MICAL2: variants seen among roughly 807,000 people sequenced by gnomAD.
MICAL2 encodes the protein [F-actin]-monooxygenase MICAL2.
Under a neutral mutation model 127.3 loss-of-function variants are expected in MICAL2, and 77 were observed. The ratio of observed to expected loss-of-function variants is 0.60; its 90% CI spans 0.50 to 0.73. The LOEUF (loss-of-function observed/expected upper bound fraction) is 0.73, where lower values mean the gene tolerates loss of function less well. Ranked by LOEUF, MICAL2 falls within the 30% of genes least tolerant of loss-of-function variation. MICAL2 has a pLI of 0.00. For missense variants in MICAL2, 1,351 were observed against 1,434.4 expected (o/e 0.94, Z 0.94); for synonymous variants, 570 against 551.1 (o/e 1.03, Z -0.48).
chr11:12,261,677 C>G, intron 26 of MICAL2: 1 of 985,382 alleles, frequency 1.0e-6, no homozygotes, highest in Non-Finnish European at 1.2e-6. Context: ...ATGACAGTTT[C>G]TATGGGGCGG....
At chr11:12,357,413 A>C (rs968197574) in intron 34 of MICAL2, among the ~76,000 whole-genome samples, 4 of 152,210 alleles carry the variant, frequency 2.6e-5, no homozygotes, top group African/African-American at 9.6e-5. Context: ...ATTATCAAGA[A>C]GGTCAGGTAC....
chr11:12,280,288 T>G (rs1393033486), intron 1 of MICAL2, among the ~76,000 whole-genome samples: 2 of 152,182 alleles, frequency 1.3e-5, no homozygotes, highest in African/African-American at 4.8e-5. Flanking sequence ...TTAGGAGTCA[T>G]GCTCCGGGGC....
chr11:12,320,176 A>G (rs1015927053), intron 30 of MICAL2, among the ~76,000 whole-genome samples: 2 of 152,208 alleles, frequency 1.3e-5, no homozygotes, highest in African/African-American at 2.4e-5. Flanking sequence ...TTCATTTAAG[A>G]AGCACTAGAG....
At position 12,349,846 on chromosome 11, in the gene MICAL2, A is replaced by G. The variant is rs1939017805; in HGVS notation, c.5524A>G (p.Thr1842Ala). 3 of 1,614,008 alleles carry G rather than the reference A, an allele frequency of 1.9e-6. No individual in the cohort carries two copies. In the South Asian group the frequency reaches 3.3e-5, roughly 18 times the overall value. Residue 1842 changes from threonine to alanine, a missense_variant, in exon 33 of 35, where the codon ACA becomes GCA. Coordinates refer to the MICAL2 transcript ENST00000646065. Reference sequence around the variant, plus strand: ...GTTGATTTCTTAAGCAGATTCAGGCACACAGGATGAAGCACAGCTTTTGCA... The same window carrying G: ...GTTGATTTCTTAAGCAGATTCAGGCGCACAGGATGAAGCACAGCTTTTGCA...
At chr11:12,184,237 G>A (rs1290832411) in intron 3 of MICAL2, among the ~76,000 whole-genome samples, 1 of 152,232 alleles carries the variant, frequency 6.6e-6, no homozygotes, top group Non-Finnish European at 1.5e-5. Flanking sequence ...AGAGGAAGAT[G>A]ATTACCTTTG....
chr11:12,159,862 T>G (rs1854579826), intron 2 of MICAL2, among the ~76,000 whole-genome samples: 1 of 152,202 alleles, frequency 6.6e-6, no homozygotes, highest in African/African-American at 2.4e-5. Context: ...CATGCCCAAG[T>G]AAGCACAGTG....
At chr11:12,349,873 G>A in exon 33 of MICAL2, 1 of 1,614,134 alleles carries the variant, frequency 6.2e-7, no homozygotes, top group Non-Finnish European at 8.5e-7. Context: ...GCTTTTGCAG[G>A]AATGGTTTAA....
At chr11:12,139,211 C>G (rs1447423446) in intron 2 of MICAL2, among the ~76,000 whole-genome samples, 2 of 152,186 alleles carry the variant, frequency 1.3e-5, no homozygotes, top group African/African-American at 4.8e-5. Context: ...GGCACCCCTC[C>G]TCCCTCCTCC....
exon 1 of MICAL2, chr11:12,276,138 C>G: frequency 2.5e-6 from 1 of 399,220 alleles, no homozygotes; most frequent in Non-Finnish European, 4.4e-6. Context: ...GCTGGCTGTG[C>G]GTGTCCTGGT....
chr11:12,260,022 C>T, intron 26 of MICAL2, 125 bp downstream of exon 26: 1 of 1,548,332 alleles, frequency 6.5e-7, no homozygotes, highest in South Asian at 1.2e-5. Flanking sequence ...ATGCTTACAA[C>T]TACTGCTACA....
At chr11:12,232,585 G>C (rs952442895) in intron 15 of MICAL2, among the ~76,000 whole-genome samples, 17 of 152,106 alleles carry the variant, frequency 1.1e-4, no homozygotes, top group African/African-American at 4.1e-4. Flanking sequence ...TAGCCTGCGT[G>C]GTGGTGCACA....
At chr11:12,185,619 G>A (rs577706077) in intron 3 of MICAL2, among the ~76,000 whole-genome samples, 1 of 152,252 alleles carries the variant, frequency 6.6e-6, no homozygotes, top group East Asian at 1.9e-4. Context: ...GGCTGGAGGA[G>A]ACCAGGTACC....
intron 30 of MICAL2, among the ~76,000 whole-genome samples, chr11:12,323,119 T>C (rs547056057): frequency 1.3e-5 from 2 of 152,292 alleles, no homozygotes; most frequent in African/African-American, 4.8e-5. Flanking sequence ...TTCCAGTATG[T>C]GGAATTAACC....
Position 12,242,280 on chromosome 11 carries a change from T to C in MICAL2, c.2404T>C (p.Cys802Arg). The C allele has an allele frequency of 6.2e-7, 1 of 1,613,982 alleles. No homozygotes were observed. The highest frequency in any genetic ancestry group is 8.5e-7 in the Non-Finnish European group (1 of 1,179,954). The change falls in exon 19 of 28, where the codon TGC becomes CGC. Residue 802 changes from cysteine to arginine, a missense_variant. Coordinates refer to ENST00000683283, the MANE Select transcript of MICAL2 (RefSeq NM_001282663.2). ...CAAGCAAGTGTCTGCTGGCAGTGAG[T>C]GCCTGAGCAGACCTTGGAGAGCCAG... is the stretch of plus-strand genomic sequence containing the variant. ...ELKQVSAGSE[C>R]LSRPWRARAK...
intron 30 of MICAL2, among the ~76,000 whole-genome samples, chr11:12,322,885 G>T (rs1009016962): frequency 1.3e-5 from 2 of 152,080 alleles, no homozygotes; most frequent in African/African-American, 4.8e-5. Flanking sequence ...TTCTACAAAA[G>T]GCTTAGCCTT....
intron 23 of MICAL2, 42 bp downstream of exon 23, chr11:12,255,792 T>A: frequency 6.5e-7 from 1 of 1,536,364 alleles, no homozygotes; most frequent in Non-Finnish European, 8.9e-7. Context: ...AGACACTGGC[T>A]CTGGCATCCC....
intron 11 of MICAL2, among the ~76,000 whole-genome samples, chr11:12,222,992 C>A (rs1413035246): frequency 6.6e-6 from 1 of 152,142 alleles, no homozygotes; most frequent in East Asian, 1.9e-4. Flanking sequence ...TATATATTGT[C>A]ACTATGCATA....
At chr11:12,291,245 T>C (rs1863895448), downstream of MICAL2, among the ~76,000 whole-genome samples, 1 of 152,124 alleles carries the variant, frequency 6.6e-6, no homozygotes, top group African/African-American at 2.4e-5. Context: ...TGAGGACAAG[T>C]GATCTCAAAT....
In MICAL2 at chr11:12,162,181, A is replaced by C. The variant is rs1174574237; in HGVS notation, c.26A>C (p.Gln9Pro). 6.2e-7 allele frequency: 1 copy of C among 1,614,208 alleles called. No homozygotes were observed. The highest frequency in any genetic ancestry group is 1.1e-5 in the South Asian group (1 of 91,084). The change falls in exon 3 of 28, where the codon CAG (glutamine) becomes CCG (proline). Residue 9 changes from glutamine (Q) to proline (P), a missense_variant. Transcript: ENST00000683283. MGENEDEK[Q>P]AQAGQVFENF... The stretch of plus-strand genomic sequence containing the variant: ...ATGGGGGAAAACGAGGATGAGAAGC[A>C]GGCCCAGGCGGGGCAGGTTTTTGAG...
Sources: gnomAD v4.1 joint callset for allele counts (sites outside exome capture counted in the v4.1 genomes callset) on GRCh38, gnomAD v4.1.1 for gene constraint, MANE v1.5 for transcripts, NCBI Gene and HGNC (gene_info 2026-07-23, HGNC 2026-07-21) for gene names.